The following SGMS1 variants were observed in gnomAD, a reference collection of about 807,000 sequenced individuals.
SGMS1 encodes sphingomyelin synthase 1.
SGMS1 carries 13 observed loss-of-function variants against 46.2 expected under a neutral mutation model. The observed-to-expected ratio is 0.28, with a 90% CI of 0.18 to 0.45. The LOEUF (loss-of-function observed/expected upper bound fraction) is 0.45. Among genes scored for constraint, SGMS1 ranks in the 20% least tolerant of loss-of-function variants. The probability of loss-of-function intolerance (pLI) is 1.00; values close to 1 mark genes in which losing one functional copy is unlikely to be tolerated. For missense variants in SGMS1, 324 were observed against 519.9 expected (o/e 0.62, Z 3.66); for synonymous variants, 203 against 187.8 (o/e 1.08, Z -0.66).
chr10:50,435,733 G>A (rs181740955), intron 5 of SGMS1, among the ~76,000 whole-genome samples: 113 of 152,248 alleles, frequency 7.4e-4, no homozygotes, highest in African/African-American at 2.5e-3. Flanking sequence ...CAACAGTATG[G>A]ATTTGTCAGT....
At chr10:50,549,643 C>T (rs1005089980) in intron 2 of SGMS1, among the ~76,000 whole-genome samples, 11 of 152,126 alleles carry the variant, frequency 7.2e-5, no homozygotes, top group Admixed American at 7.2e-4. Context: ...CACCATGGCA[C>T]ACGTTTACCT....
intron 6 of SGMS1, among the ~76,000 whole-genome samples, chr10:50,398,144 ACTCT>A (rs1464462079): frequency 6.6e-6 from 1 of 151,996 alleles, no homozygotes; most frequent in East Asian, 1.9e-4. Context: ...TTATTTTTCC[ACTCT>A]CTCGGAGCTT....
At position 50,321,321 on chromosome 10, in the gene SGMS1, T is replaced by C. The variant is rs1220497257; in HGVS notation, c.741+5884A>G. Among the ~76,000 whole-genome samples, 42 of 152,156 alleles carry C rather than the reference T, an allele frequency of 2.8e-4. 1 individual carries two copies. ...TGTTAATAGTAGATAGGGTCATGAG[T>C]GGTTCTAAAATCTTCCTCTTTTTGT... On this transcript the variant is annotated intron_variant, in intron 8 of 10. Transcript: ENST00000361781.
intron 2 of SGMS1, among the ~76,000 whole-genome samples, chr10:50,574,273 A>C (rs1439364455): frequency 2.0e-5 from 3 of 152,156 alleles, no homozygotes; most frequent in Admixed American, 1.3e-4. Flanking sequence ...CATCTATTAC[A>C]TATAAAGAAC....
intron 6 of SGMS1, among the ~76,000 whole-genome samples, chr10:50,380,935 A>T (rs553719030): frequency 1.1e-4 from 17 of 151,032 alleles, no homozygotes; most frequent in Non-Finnish European, 2.4e-4. Flanking sequence ...GGCCCAAATG[A>T]TCCTCCCATC....
chr10:50,596,873 A>G (rs891846452), intron 1 of SGMS1, among the ~76,000 whole-genome samples: 2 of 152,202 alleles, frequency 1.3e-5, no homozygotes, highest in Non-Finnish European at 2.9e-5. Flanking sequence ...TCATACACTG[A>G]CTTGCTTAAA....
chr10:50,533,170 A>G (rs1206617993), intron 2 of SGMS1, among the ~76,000 whole-genome samples: 1 of 152,234 alleles, frequency 6.6e-6, no homozygotes, highest in Admixed American at 6.5e-5. Context: ...CTAAAAACAG[A>G]AACACTATTA....
intron 2 of SGMS1, among the ~76,000 whole-genome samples, chr10:50,572,664 T>C (rs1233058260): frequency 6.6e-6 from 1 of 152,202 alleles, no homozygotes; most frequent in Non-Finnish European, 1.5e-5. Flanking sequence ...TCTATGCCTT[T>C]GCCAAAATAA....
At chr10:50,597,293 T>C (rs1259855949) in intron 1 of SGMS1, among the ~76,000 whole-genome samples, 1 of 152,194 alleles carries the variant, frequency 6.6e-6, no homozygotes, top group Non-Finnish European at 1.5e-5. Flanking sequence ...ACACACCTAT[T>C]AGAATAGCTG....
At chr10:50,482,032 A>G (rs1336242858) in intron 3 of SGMS1, among the ~76,000 whole-genome samples, 1 of 152,214 alleles carries the variant, frequency 6.6e-6, no homozygotes, top group East Asian at 1.9e-4. Context: ...TAAAAAGACC[A>G]AACCTATAAC....
chr10:50,528,679 G>A (rs530131052), intron 2 of SGMS1, among the ~76,000 whole-genome samples: 3 of 152,272 alleles, frequency 2.0e-5, no homozygotes, highest in East Asian at 1.9e-4. Flanking sequence ...TGAAAGGATC[G>A]CTTGAGTCCA....
intron 3 of SGMS1, among the ~76,000 whole-genome samples, chr10:50,511,657 G>A (rs1398968876): frequency 1.3e-5 from 2 of 152,152 alleles, no homozygotes; most frequent in South Asian, 2.1e-4. Flanking sequence ...CTGCCACAGT[G>A]AGCCAAACGC....
At chr10:50,489,994 A>G (rs1437831061) in intron 3 of SGMS1, among the ~76,000 whole-genome samples, 1 of 152,196 alleles carries the variant, frequency 6.6e-6, no homozygotes, top group Non-Finnish European at 1.5e-5. Context: ...AATAAAAAAT[A>G]AAAATAAAAA....
rs1184631080 is a variant in SGMS1 at position 50,324,001 on chromosome 10, A to AGGTC, written c.741+3200_741+3203dup. Among the ~76,000 whole-genome samples, 5 of 152,368 alleles carry AGGTC rather than the reference A, an allele frequency of 3.3e-5. No homozygotes were observed. In the East Asian group the frequency reaches 9.6e-4, roughly 29 times the overall value. On this transcript the variant is annotated intron_variant, in intron 8 of 10. Transcript: ENST00000361781. ...CATACTCTAGCACCCAAAGCACAGTAGGTCCCTAATGTATGTTTGTTAAAT... is the reference window on the plus strand; with the variant it reads ...CATACTCTAGCACCCAAAGCACAGTAGGTCGGTCCCTAATGTATGTTTGTTAAAT...
intron 1 of SGMS1, among the ~76,000 whole-genome samples, chr10:50,594,891 A>T (rs1479678676): frequency 6.6e-6 from 1 of 152,222 alleles, no homozygotes; most frequent in East Asian, 1.9e-4. Flanking sequence ...TTTTAAAATC[A>T]TTTATCCCGA....
At chr10:50,507,107 C>A (rs530047831) in intron 3 of SGMS1, among the ~76,000 whole-genome samples, 1 of 152,284 alleles carries the variant, frequency 6.6e-6, no homozygotes, top group East Asian at 1.9e-4. Context: ...TCACACAGCC[C>A]ATTGGTAGCT....
At chr10:50,328,242 TCC>T (rs746927293) in intron 7 of SGMS1, 6 of 237,118 alleles carry the variant, frequency 2.5e-5, no homozygotes, top group Non-Finnish European at 2.5e-5. Context: ...GAACATTCTT[TCC>T]CTCTCTACCT....
intron 5 of SGMS1, among the ~76,000 whole-genome samples, chr10:50,449,197 C>T (rs796078166): frequency 1.3e-5 from 2 of 152,034 alleles, no homozygotes; most frequent in South Asian, 2.1e-4. Context: ...TTTGAGGTTC[C>T]GTTAGTTGAG....
chr10:50,383,906 T>C (rs527455730), intron 6 of SGMS1, among the ~76,000 whole-genome samples: 25 of 152,308 alleles, frequency 1.6e-4, no homozygotes, highest in African/African-American at 6.0e-4. Flanking sequence ...GTTAATGTGG[T>C]GCTATACACT....
Sources: allele counts gnomAD v4.1 joint callset (sites outside exome capture counted in the v4.1 genomes callset), GRCh38; gene constraint gnomAD v4.1.1; transcripts MANE v1.5; gene names NCBI Gene and HGNC (gene_info 2026-07-23, HGNC 2026-07-21).